Variants in ERI3 observed in about 807,000 individuals in gnomAD.
ERI3 encodes the protein ERI1 exoribonuclease 3.
A neutral mutation model predicts 44.4 loss-of-function variants in ERI3; 18 were observed. That is an observed-to-expected ratio of 0.41 (90% CI 0.28 to 0.60). ERI3 has a LOEUF of 0.60. ERI3 is among the 20% of genes least tolerant of loss of function. ERI3 has a pLI of 0.36. For missense variants in ERI3, 294 were observed against 435.5 expected (o/e 0.68, Z 2.89); for synonymous variants, 183 against 164.8 (o/e 1.11, Z -0.84).
At chr1:44,270,759 GC>G (rs1200777093) in intron 7 of ERI3, among the ~76,000 whole-genome samples, 1 of 152,212 alleles carries the variant, frequency 6.6e-6, no homozygotes, top group Admixed American at 6.5e-5. Context: ...CTTTGCAGCA[GC>G]TGCAGGGAAC....
intron 7 of ERI3, among the ~76,000 whole-genome samples, chr1:44,250,877 A>G (rs1316914693): frequency 1.3e-5 from 2 of 152,208 alleles, no homozygotes; most frequent in African/African-American, 2.4e-5. Flanking sequence ...ACGGTTAATT[A>G]AAACTGCTCT....
At chr1:44,233,404 T>C (rs1644231689) in intron 8 of ERI3, among the ~76,000 whole-genome samples, 1 of 150,230 alleles carries the variant, frequency 6.7e-6, no homozygotes, top group African/African-American at 2.4e-5. Context: ...GATGTCACGT[T>C]CTTTTTTTTT....
At chr1:44,262,135 A>G (rs1220016440) in intron 7 of ERI3, among the ~76,000 whole-genome samples, 1 of 152,098 alleles carries the variant, frequency 6.6e-6, no homozygotes, top group Non-Finnish European at 1.5e-5. Context: ...AAGTTGGTCC[A>G]TGTCTCCATA....
chr1:44,260,932 A>G (rs1000300590), intron 7 of ERI3, among the ~76,000 whole-genome samples: 1 of 151,958 alleles, frequency 6.6e-6, no homozygotes, highest in African/African-American at 2.4e-5. Flanking sequence ...ATTTCTCTCA[A>G]CAGCACTTTG....
intron 8 of ERI3, among the ~76,000 whole-genome samples, chr1:44,239,876 G>A (rs889119135): frequency 3.9e-5 from 6 of 152,228 alleles, no homozygotes; most frequent in Non-Finnish European, 7.4e-5. Context: ...CAGGATCTGG[G>A]CCTAATTGTC....
Position 44,319,866 on chromosome 1 carries a change from T to A in ERI3, c.490-122A>T, listed in dbSNP as rs1646164876. ...TCATTAGTGTTTTGGGTTCATTAGCTCCTGCCAGGCCAAACCCAAGATTGA... is the reference window on the plus strand; with the variant it reads ...TCATTAGTGTTTTGGGTTCATTAGCACCTGCCAGGCCAAACCCAAGATTGA... On this transcript the variant is annotated intron_variant, in intron 3 of 8. Transcript: ENST00000372257. 5 of 734,232 alleles carry A rather than the reference T, an allele frequency of 6.8e-6. No individual in the cohort carries two copies. In the Admixed American group the frequency reaches 1.1e-4, roughly 16 times the overall value. 45.5% of individuals were successfully genotyped at this position (734,232 alleles called of 1,614,324 possible).
chr1:44,233,217 G>A (rs902032073), intron 8 of ERI3, among the ~76,000 whole-genome samples: 4 of 152,036 alleles, frequency 2.6e-5, no homozygotes, highest in African/African-American at 4.8e-5. Flanking sequence ...TTCACCCATA[G>A]TGACAATTTC....
intron 2 of ERI3, among the ~76,000 whole-genome samples, chr1:44,350,008 T>C (rs1202431536): frequency 6.6e-6 from 1 of 152,130 alleles, no homozygotes; most frequent in East Asian, 1.9e-4. Flanking sequence ...CCATCATACC[T>C]GAACTAGGAG....
Position 44,354,888 on chromosome 1 carries a change from C to T in ERI3, c.135+4G>A, listed in dbSNP as rs763527562. Reference sequence around the variant, plus strand: ...TCTTGGCGGGGCCATTCAGCATCACCCACCCCGGGGTGTTGCCCCCAACTC... The same window carrying T: ...TCTTGGCGGGGCCATTCAGCATCACTCACCCCGGGGTGTTGCCCCCAACTC... On this transcript the variant is annotated splice_donor_region_variant and intron_variant, in intron 1 of 8. Transcript: ENST00000372257. 7.6e-7 allele frequency: 1 copy of T among 1,316,218 alleles called. No homozygotes were observed. The highest frequency in any genetic ancestry group is 3.0e-5 in the South Asian group (1 of 33,056). 81.5% of individuals were successfully genotyped at this position (1,316,218 alleles called of 1,614,324 possible). A position where few individuals can be genotyped will look rare whatever the true frequency, so the allele number is the denominator to read the frequency against.
At chr1:44,229,116 G>C (rs1042650314) in intron 8 of ERI3, among the ~76,000 whole-genome samples, 1 of 152,216 alleles carries the variant, frequency 6.6e-6, no homozygotes, top group Non-Finnish European at 1.5e-5. Flanking sequence ...AGTGGTGGGA[G>C]AAGCTGAGGA....
chr1:44,230,727 C>A (rs575599330), intron 8 of ERI3, among the ~76,000 whole-genome samples: 3 of 152,336 alleles, frequency 2.0e-5, no homozygotes, highest in Non-Finnish European at 4.4e-5. Flanking sequence ...TCCCGAGAGA[C>A]CTGCCTGCCA....
At chr1:44,345,313 C>G (rs1404384849) in intron 2 of ERI3, among the ~76,000 whole-genome samples, 1 of 152,214 alleles carries the variant, frequency 6.6e-6, no homozygotes, top group Non-Finnish European at 1.5e-5. Flanking sequence ...AACAGGTGGT[C>G]TACTCCCACT....
At chr1:44,279,055 T>C (rs1572174918) in intron 7 of ERI3, among the ~76,000 whole-genome samples, 2 of 152,262 alleles carry the variant, frequency 1.3e-5, no homozygotes, top group East Asian at 3.8e-4. Flanking sequence ...ATGCAATCTG[T>C]AATTCAGGAC....
At chr1:44,321,228 G>A (rs944762408) in intron 3 of ERI3, among the ~76,000 whole-genome samples, 1 of 152,162 alleles carries the variant, frequency 6.6e-6, no homozygotes, top group East Asian at 1.9e-4. Flanking sequence ...AATCAAGTCA[G>A]TCAGACTTCA....
chr1:44,291,598 C>G (rs993084643), intron 6 of ERI3, among the ~76,000 whole-genome samples: 1 of 152,206 alleles, frequency 6.6e-6, no homozygotes, highest in Non-Finnish European at 1.5e-5. Context: ...TATAGGAGAT[C>G]ACATCAAAGC....
intron 3 of ERI3, among the ~76,000 whole-genome samples, chr1:44,320,109 C>A (rs924906211): frequency 3.3e-4 from 50 of 152,182 alleles, no homozygotes; most frequent in Non-Finnish European, 2.9e-4. Context: ...AGGTCCCTGT[C>A]CTGAAATGGG....
At chr1:44,287,339 G>A (rs2154323625) in intron 6 of ERI3, among the ~76,000 whole-genome samples, 1 of 152,360 alleles carries the variant, frequency 6.6e-6, no homozygotes, top group Middle Eastern at 3.4e-3. Flanking sequence ...ATCCAGTTGA[G>A]ATGACTGATT....
intron 2 of ERI3, among the ~76,000 whole-genome samples, chr1:44,343,441 G>C (rs1037928396): frequency 2.0e-4 from 30 of 152,086 alleles, no homozygotes; most frequent in African/African-American, 7.0e-4. Context: ...ACGACGAGAA[G>C]AACAAAGCAT....
intron 8 of ERI3, among the ~76,000 whole-genome samples, chr1:44,227,370 G>A (rs915405862): frequency 6.6e-6 from 1 of 152,034 alleles, no homozygotes; most frequent in Non-Finnish European, 1.5e-5. Context: ...GCATGGTAAG[G>A]GTGACACAGC....
Sources: gnomAD v4.1 joint callset for allele counts (sites outside exome capture counted in the v4.1 genomes callset) on GRCh38, gnomAD v4.1.1 for gene constraint, MANE v1.5 for transcripts, NCBI Gene and HGNC (gene_info 2026-07-23, HGNC 2026-07-21) for gene names.